The following CACNA1B variants were observed in gnomAD, a reference collection of about 807,000 sequenced individuals.
The protein encoded by CACNA1B is calcium voltage-gated channel subunit alpha1 B, also known as voltage-dependent N-type calcium channel subunit alpha-1B.
A neutral mutation model predicts 247.2 loss-of-function variants in CACNA1B; 70 were observed. The ratio of observed to expected loss-of-function variants is 0.28; its 90% CI spans 0.23 to 0.35. The LOEUF is 0.35. Ranked by LOEUF, CACNA1B falls within the 10% of genes least tolerant of loss-of-function variation. The pLI, the probability that CACNA1B is intolerant of heterozygous loss-of-function variation, is 1.00. For missense variants in CACNA1B, 2,367 were observed against 3,197.4 expected (o/e 0.74, Z 6.26); for synonymous variants, 1,231 against 1,294.4 (o/e 0.95, Z 1.05).
rs769141185 is a variant in CACNA1B at position 138,020,511 on chromosome 9, C to T, written c.2268-2500C>T. Among the ~76,000 whole-genome samples, 4 of 152,130 alleles carry T rather than the reference C, an allele frequency of 2.6e-5. No individual in the cohort carries two copies. The highest frequency in any genetic ancestry group is 6.5e-5 in the Admixed American group (1 of 15,270). On this transcript the variant is annotated intron_variant, in intron 18 of 46. Coordinates refer to ENST00000371372, the MANE Select transcript of CACNA1B (RefSeq NM_000718.4). The surrounding 1 kb of genome is among the most constrained non-coding windows in gnomAD (Gnocchi z 4.1). ...ACTTAAGACACCATGCAGAGAGGCC[C>T]GGCACGCAGATTCAGAGACCTAGGG...
intron 3 of CACNA1B, among the ~76,000 whole-genome samples, chr9:137,886,543 A>G (rs1429665482): frequency 6.6e-6 from 1 of 151,106 alleles, no homozygotes; most frequent in African/African-American, 2.4e-5. Flanking sequence ...CCAGGTGCTG[A>G]GGACTCAGGA....
At chr9:138,099,735 G>A (rs1961190583) in intron 37 of CACNA1B, among the ~76,000 whole-genome samples, 1 of 152,192 alleles carries the variant, frequency 6.6e-6, no homozygotes, top group Non-Finnish European at 1.5e-5. Flanking sequence ...ACACGTGCCT[G>A]TGGTGCGCAT....
In CACNA1B at chr9:137,898,682, A is replaced by T. The variant is rs553552236; in HGVS notation, c.531-14498A>T. Among the ~76,000 whole-genome samples the T allele has an allele frequency of 7.2e-4, 98 of 136,384 alleles. 1 individual carries two copies. The highest frequency in any genetic ancestry group is 1.5e-3 in the East Asian group (7 of 4,728). 89.5% of individuals were successfully genotyped at this position (136,384 alleles called of 152,430 possible). ...CACCAAGCCTGAATACTTAAAAAAA[A>T]TTTTTTTTTTTTTTTTTGAGATGGA... On this transcript the variant is annotated intron_variant, in intron 3 of 46. Coordinates refer to ENST00000371372, the MANE Select transcript of CACNA1B (RefSeq NM_000718.4).
rs56794355 is a variant in CACNA1B at position 137,894,302 on chromosome 9, ATTTTTTT to A, written c.530+11435_530+11441del. ...TCGCCGGCACGGGGGTTGTCTCTGT[ATTTTTTT>A]TTTTTTTTTTTTTTTGATTCTGATA... On this transcript the variant is annotated intron_variant, in intron 3 of 46. Coordinates refer to ENST00000371372, the MANE Select transcript of CACNA1B (RefSeq NM_000718.4). 9.9e-3 allele frequency among the ~76,000 whole-genome samples: 949 copies of A among 96,090 alleles called. 22 individuals carry two copies. The highest frequency in any genetic ancestry group is 0.032 in the African/African-American group (895 of 28,212). 63.0% of individuals were successfully genotyped at this position (96,090 alleles called of 152,430 possible).
chr9:138,115,069 T>G (rs575170297), intron 41 of CACNA1B, among the ~76,000 whole-genome samples: 33 of 152,146 alleles, frequency 2.2e-4, no homozygotes, highest in Admixed American at 6.5e-4. Context: ...TATGTGGTGC[T>G]CAGGCCACAC....
intron 24 of CACNA1B, among the ~76,000 whole-genome samples, chr9:138,049,723 T>C (rs958107255): frequency 6.6e-5 from 10 of 152,234 alleles, no homozygotes; most frequent in Admixed American, 1.3e-4. Flanking sequence ...AGTCTGCTCC[T>C]GACCCAGGGA....
intron 3 of CACNA1B, among the ~76,000 whole-genome samples, chr9:137,896,014 C>G (rs1377420930): frequency 6.6e-6 from 1 of 152,090 alleles, no homozygotes; most frequent in African/African-American, 2.4e-5. Context: ...CCAAGACAGG[C>G]AGATCACGAG....
At chr9:138,080,087 C>T (rs539357350) in intron 36 of CACNA1B, among the ~76,000 whole-genome samples, 1 of 152,264 alleles carries the variant, frequency 6.6e-6, no homozygotes, top group Admixed American at 6.5e-5. Context: ...GGCCCTGACT[C>T]CAAGGAGGAA....
chr9:137,976,080 C>G, intron 12 of CACNA1B, 61 bp downstream of exon 12: 1 of 1,019,148 alleles, frequency 9.8e-7, no homozygotes, highest in Non-Finnish European at 1.5e-6. Context: ...GCACACAGCC[C>G]CCTCCCATAG....
Position 138,023,470 on chromosome 9 carries a change from C to T in CACNA1B, c.2727C>T (p.Gly909=). The T allele has an allele frequency of 8.5e-7, 1 of 1,182,320 alleles. No individual in the cohort carries two copies. The highest frequency in any genetic ancestry group is 1.6e-5 in the African/African-American group (1 of 61,904). The allele number at this position is 1,182,320 out of a possible 1,614,324, so 73.2% of individuals were successfully genotyped here. A position where few individuals can be genotyped will look rare whatever the true frequency, so the allele number is the denominator to read the frequency against. Residue 909 remains glycine, a synonymous_variant, in exon 19 of 47, where the codon GGC becomes GGT. Transcript: ENST00000371372. The stretch of plus-strand genomic sequence containing the variant: ...AGGCGCGGAGCGAGCGCGGCCGAGG[C>T]CCAGGCCCCGAGGGCGGCCGGCGGC... The part of the protein sequence containing the change: ...PPEARSERGR[G]PGPEGGRRHH...
intron 3 of CACNA1B, among the ~76,000 whole-genome samples, chr9:137,883,751 A>G (rs1256052523): frequency 6.6e-6 from 1 of 152,196 alleles, no homozygotes; most frequent in African/African-American, 2.4e-5. Flanking sequence ...TGGGCCAGGG[A>G]CCACTGTCTG....
rs1020656119 is a variant in CACNA1B, at chr9:138,100,537, A to G, written c.5223-2174A>G. On this transcript the variant is annotated intron_variant, in intron 37 of 46. Coordinates refer to ENST00000371372, the MANE Select transcript of CACNA1B (RefSeq NM_000718.4). This position sits in a 1 kb window ranked among gnomAD's most constrained non-coding sequence, Gnocchi z 4.6. ...CTTCCCTTTTACAGAAGGAAATTCA[A>G]CATGATTTGGAGCTGATTGGACCGA... is the stretch of plus-strand genomic sequence containing the variant. Among the ~76,000 whole-genome samples the G allele has an allele frequency of 1.3e-5, 2 of 152,124 alleles. No homozygotes were observed. Among genetic ancestry groups the G allele is most frequent in the African/African-American group, 4.8e-5 (2 of 41,434 alleles).
chr9:138,098,356 C>T (rs933834129), intron 37 of CACNA1B, among the ~76,000 whole-genome samples: 1 of 152,066 alleles, frequency 6.6e-6, no homozygotes, highest in Non-Finnish European at 1.5e-5. Context: ...AGACTCCAGC[C>T]GAGGCAGGAT....
intron 35 of CACNA1B, 136 bp downstream of exon 35, chr9:138,076,046 A>T: frequency 1.6e-6 from 1 of 643,920 alleles, no homozygotes; most frequent in African/African-American, 1.8e-5. Flanking sequence ...TCCCCTCAGC[A>T]GGCCTTTCTG....
At chr9:138,008,766 T>A (rs1336482558) in intron 16 of CACNA1B, among the ~76,000 whole-genome samples, 1 of 152,214 alleles carries the variant, frequency 6.6e-6, no homozygotes, top group African/African-American at 2.4e-5. Context: ...CAGCTTCCTC[T>A]CCCTACAGAT....
chr9:138,008,125 G>T (rs917219360), intron 16 of CACNA1B, among the ~76,000 whole-genome samples: 2 of 152,210 alleles, frequency 1.3e-5, no homozygotes, highest in African/African-American at 4.8e-5. Flanking sequence ...GCCTGAGGGG[G>T]CAGTGTCTGC....
intron 3 of CACNA1B, among the ~76,000 whole-genome samples, chr9:137,902,170 G>A (rs1957247652): frequency 1.3e-5 from 2 of 152,192 alleles, no homozygotes; most frequent in Admixed American, 1.3e-4. Context: ...ACTTTTGTGA[G>A]TTGTCTCTGG....
chr9:137,997,921 A>G (rs1958518791), intron 15 of CACNA1B, among the ~76,000 whole-genome samples: 1 of 152,238 alleles, frequency 6.6e-6, no homozygotes, highest in Non-Finnish European at 1.5e-5. Flanking sequence ...GAGAAGTGTG[A>G]TCTGTTTGTG....
chr9:137,986,920 C>G lies in CACNA1B; in HGVS notation c.1974+66C>G. On this transcript the variant is annotated intron_variant, in intron 15 of 46. Coordinates refer to ENST00000371372, the MANE Select transcript of CACNA1B (RefSeq NM_000718.4). The surrounding 1 kb of genome is among the most constrained non-coding windows in gnomAD (Gnocchi z 6.0). ...CCGTCTCCCCTGGGTGCTGGGAAGGCGGACTCTCCTGTCATTCCCTCCCTT... is the reference window on the plus strand; with the variant it reads ...CCGTCTCCCCTGGGTGCTGGGAAGGGGGACTCTCCTGTCATTCCCTCCCTT... The G allele has an allele frequency of 8.5e-7, 1 of 1,172,284 alleles. No individual in the cohort carries two copies. Among genetic ancestry groups the G allele is most frequent in the Non-Finnish European group, 1.3e-6 (1 of 780,178 alleles). 72.6% of individuals were successfully genotyped at this position (1,172,284 alleles called of 1,614,324 possible).
Sources: gnomAD v4.1 joint callset for allele counts (sites outside exome capture counted in the v4.1 genomes callset) on GRCh38, gnomAD v4.1.1 for gene constraint, Gnocchi (gnomAD v3.1) non-coding constraint, MANE v1.5 for transcripts, NCBI Gene and HGNC (gene_info 2026-07-23, HGNC 2026-07-21) for gene names.